Variants in COL16A1 observed in about 807,000 individuals in gnomAD.
The protein encoded by COL16A1 is collagen alpha-1(XVI) chain.
COL16A1 carries 189 observed loss-of-function variants against 266.3 expected under a neutral mutation model. That is an observed-to-expected ratio of 0.71 (90% CI 0.63 to 0.80). The LOEUF is 0.80. COL16A1 is among the 30% of genes least tolerant of loss of function. The pLI, the probability that COL16A1 is intolerant of heterozygous loss-of-function variation, is 0.00. For synonymous variants in COL16A1, 740 were observed against 782.3 expected (o/e 0.95, Z 0.90); for missense variants, 1,928 against 2,122.4 (o/e 0.91, Z 1.80).
rs1195690470 is a variant in COL16A1, at chr1:31,656,285, GC to G, written c.4101+114del. 1.3e-6 allele frequency: 2 copies of G among 1,513,028 alleles called. No individual in the cohort carries two copies. Among genetic ancestry groups the G allele is most frequent in the African/African-American group, 1.4e-5 (1 of 70,392 alleles). 93.7% of individuals were successfully genotyped at this position (1,513,028 alleles called of 1,614,324 possible). On this transcript the variant is annotated intron_variant, in intron 66 of 70. Coordinates refer to ENST00000373672, the MANE Select transcript of COL16A1 (RefSeq NM_001856.4). This position sits in a 1 kb window ranked among gnomAD's most constrained non-coding sequence, Gnocchi z 4.2. ...ATCCTGCTCCAAGTTCTGCATTTTTGCCCCCTGCCCACTGGCCTTCCTGTGT... is the reference window on the plus strand; with the variant it reads ...ATCCTGCTCCAAGTTCTGCATTTTTGCCCCTGCCCACTGGCCTTCCTGTGT...
intron 56 of COL16A1, 29 bp from the exon 57 acceptor site, chr1:31,662,687 G>A (rs201421237): frequency 3.6e-5 from 32 of 897,724 alleles, no homozygotes; most frequent in African/African-American, 1.4e-4. Context: ...CCCCCCCCCC[G>A]CCCCACAATA....
At chr1:31,662,852 A>G (rs1305278041) in intron 56 of COL16A1, 194 bp from the exon 57 acceptor site, 2 of 606,828 alleles carry the variant, frequency 3.3e-6, no homozygotes, top group Admixed American at 6.0e-5. Context: ...ATCTGTCTTC[A>G]TCTGCAAAGC....
At position 31,692,817 on chromosome 1, in the gene COL16A1, A is replaced by G. The variant is rs770411986; in HGVS notation, c.1072-9T>C. 1.2e-6 allele frequency: 2 copies of G among 1,613,350 alleles called. No individual in the cohort carries two copies. Among genetic ancestry groups the G allele is most frequent in the South Asian group, 2.2e-5 (2 of 91,064 alleles). On this transcript the variant is annotated splice_polypyrimidine_tract_variant and intron_variant, in intron 13 of 70. Transcript: ENST00000373672. ...CGAACACAGTCATTGCCCTGGGAGT[A>G]GGGAACAAGGGATCAGGGGTGGGAA...
At position 31,684,159 on chromosome 1, in the gene COL16A1, C is replaced by T. The variant is rs34770879; in HGVS notation, c.2233G>A (p.Gly745Ser). 8,974 of 1,548,550 alleles carry T rather than the reference C, an allele frequency of 5.8e-3. 98 individuals carry two copies. Among genetic ancestry groups the T allele is most frequent in the East Asian group, 0.045 (1,851 of 41,216 alleles). ...TCGGGGCCCTGCTCTCCTTTGGGGC[C>T]GGGCTGCCCAGGCCGTCCTGCCATG... is the stretch of plus-strand genomic sequence containing the variant. The part of the protein sequence containing the change: ...TDMAGRPGQP[G>S]PKGEQGPEGV... The change falls in exon 32 of 71, where the codon GGC becomes AGC. Residue 745 changes from glycine to serine, a missense_variant. Around this residue, in one of 2 missense-constraint regions of COL16A1, gnomAD observed 1,552 missense variants for 1,637.2 expected, o/e 0.95. Coordinates refer to ENST00000373672, the MANE Select transcript of COL16A1 (RefSeq NM_001856.4).
In COL16A1 at chr1:31,703,951, GTC is replaced by G. The variant is rs1447543907; in HGVS notation, c.-151_-150del. On this transcript the variant is annotated 5_prime_UTR_variant, in exon 1 of 71. Transcript: ENST00000373672. ...CTCTATCTCTCCGTGACGGTCACGG[GTC>G]CCCAGCTTCCTGGCGCTCGAGCTCT... 1 of 152,304 alleles carries G rather than the reference GTC, an allele frequency of 6.6e-6. No individual in the cohort carries two copies. The highest frequency in any genetic ancestry group is 6.5e-5 in the Admixed American group (1 of 15,294). 9.4% of individuals were successfully genotyped at this position (152,304 alleles called of 1,614,324 possible).
chr1:31,681,434 C>G (rs1352785079), intron 37 of COL16A1, among the ~76,000 whole-genome samples: 1 of 152,248 alleles, frequency 6.6e-6, no homozygotes, highest in Non-Finnish European at 1.5e-5. Context: ...CCTGAAGTCT[C>G]TGCTCTCTCC....
At chr1:31,673,224 C>T (rs1199013240) in intron 44 of COL16A1, 2 of 337,268 alleles carry the variant, frequency 5.9e-6, no homozygotes, top group African/African-American at 4.3e-5. Flanking sequence ...ACGCCAGCTT[C>T]TCTGCCCAAG....
In COL16A1 at chr1:31,680,117, C is replaced by T. The variant is rs765274258; in HGVS notation, c.2611-16G>A. Reference sequence around the variant, plus strand: ...CTGGCTCACCCTGAAAATACAAGAGCCTTTGTGAGACATGGATGAAGACGA... The same window carrying T: ...CTGGCTCACCCTGAAAATACAAGAGTCTTTGTGAGACATGGATGAAGACGA... On this transcript the variant is annotated splice_polypyrimidine_tract_variant and intron_variant, in intron 39 of 70. Coordinates refer to ENST00000373672, the MANE Select transcript of COL16A1 (RefSeq NM_001856.4). The T allele has an allele frequency of 6.2e-7, 1 of 1,611,754 alleles. No individual in the cohort carries two copies. Among genetic ancestry groups the T allele is most frequent in the South Asian group, 1.1e-5 (1 of 90,596 alleles).
At chr1:31,686,312 G>C (rs373123030) in intron 26 of COL16A1, 33 bp from the exon 27 acceptor site, 1 of 1,614,166 alleles carries the variant, frequency 6.2e-7, no homozygotes, top group East Asian at 2.2e-5. Context: ...TGATTAAAGA[G>C]GGGATGGAGT....
chr1:31,670,835 G>A lies in COL16A1; in HGVS notation c.3151-189C>T, dbSNP rs1642612474. On this transcript the variant is annotated intron_variant, in intron 48 of 70. Transcript: ENST00000373672. This position sits in a 1 kb window ranked among gnomAD's most constrained non-coding sequence, Gnocchi z 4.5. ...CTGTTCCTCCCCTTGGCTCCAGGAA[G>A]AATGGCTCCTCCGTTGACGGAGATG... Among the ~76,000 whole-genome samples, 1 of 152,210 alleles carries A rather than the reference G, an allele frequency of 6.6e-6. No individual in the cohort carries two copies. The highest frequency in any genetic ancestry group is 1.5e-5 in the Non-Finnish European group (1 of 68,032).
chr1:31,656,906 G>A lies in COL16A1; in HGVS notation c.4056+127C>T. The stretch of plus-strand genomic sequence containing the variant: ...TAATTCCTCTCCCCAGGACAACAGG[G>A]TTAACAATTTCCAGAGACAGCCCGT... On this transcript the variant is annotated intron_variant, in intron 65 of 70. Transcript: ENST00000373672. The surrounding 1 kb of genome is among the most constrained non-coding windows in gnomAD (Gnocchi z 4.2). The A allele has an allele frequency of 7.4e-7, 1 of 1,354,796 alleles. No homozygotes were observed. The highest frequency in any genetic ancestry group is 1.0e-6 in the Non-Finnish European group (1 of 953,206). The allele number at this position is 1,354,796 out of a possible 1,614,324, so 83.9% of individuals were successfully genotyped here.
At position 31,664,308 on chromosome 1, in the gene COL16A1, C is replaced by T. The variant is rs1319830188; in HGVS notation, c.3555+864G>A. ...TGGGAAGGAAGTCTCAGCTCTGCTG[C>T]TAACACCACTGTGTGCCTCTGGGCT... On this transcript the variant is annotated intron_variant, in intron 56 of 70. Transcript: ENST00000373672. This position sits in a 1 kb window ranked among gnomAD's most constrained non-coding sequence, Gnocchi z 5.5. 6.6e-6 allele frequency among the ~76,000 whole-genome samples: 1 copy of T among 152,214 alleles called. No homozygotes were observed. Among genetic ancestry groups the T allele is most frequent in the Non-Finnish European group, 1.5e-5 (1 of 68,024 alleles).
At chr1:31,679,881 G>A (rs1381853393) in intron 40 of COL16A1, 30 bp from the exon 41 acceptor site, 3 of 1,503,378 alleles carry the variant, frequency 2.0e-6, no homozygotes, top group Non-Finnish European at 2.7e-6. Flanking sequence ...GCAAAAGAAG[G>A]GGAGAGGTTA....
Position 31,655,518 on chromosome 1 carries a change from C to T in COL16A1, c.4102-16G>A, listed in dbSNP as rs369233724. ...CTGGATCACCCTACAAAGATAGATA[C>T]TTAGTGCTGTCAAATTTACATCATG... On this transcript the variant is annotated splice_polypyrimidine_tract_variant and intron_variant, in intron 66 of 70. Transcript: ENST00000373672. The T allele has an allele frequency of 5.0e-6, 8 of 1,612,024 alleles. No homozygotes were observed. Among genetic ancestry groups the T allele is most frequent in the Non-Finnish European group, 6.8e-6 (8 of 1,178,822 alleles).
chr1:31,666,392 T>C, intron 52 of COL16A1: 1 of 384,674 alleles, frequency 2.6e-6, no homozygotes, highest in South Asian at 3.8e-5. Flanking sequence ...TCCCTCTGCC[T>C]CTGAGTGGGG....
chr1:31,671,782 C>A (rs1463919207), intron 47 of COL16A1, 123 bp from the exon 48 acceptor site: 3 of 1,152,512 alleles, frequency 2.6e-6, no homozygotes, highest in African/African-American at 3.1e-5. Context: ...GCTGTCCAAG[C>A]AGGACCACTT....
intron 42 of COL16A1, chr1:31,679,274 C>T: frequency 1.1e-6 from 1 of 880,298 alleles, no homozygotes; most frequent in Non-Finnish European, 1.7e-6. Context: ...TAAAGCAGTG[C>T]CAGAAAATAG....
At chr1:31,699,986 A>T in intron 3 of COL16A1, 55 bp downstream of exon 3, 1 of 1,607,992 alleles carries the variant, frequency 6.2e-7, no homozygotes, top group Non-Finnish European at 8.5e-7. Flanking sequence ...AGGGGTACAG[A>T]TCACTCCCAG....
chr1:31,656,510 G>T lies in COL16A1; in HGVS notation c.4057-66C>A. ...TCTCTGAGGCTCCCTGGGGAGGCAG[G>T]TGCAGTGAAGAGGCCCCTTCCACAG... On this transcript the variant is annotated intron_variant, in intron 65 of 70. Transcript: ENST00000373672. This position sits in a 1 kb window ranked among gnomAD's most constrained non-coding sequence, Gnocchi z 4.2. 2 of 1,584,436 alleles carry T rather than the reference G, an allele frequency of 1.3e-6. No homozygotes were observed. Among genetic ancestry groups the T allele is most frequent in the East Asian group, 4.5e-5 (2 of 43,986 alleles).
Sources: gnomAD v4.1 joint callset for allele counts (sites outside exome capture counted in the v4.1 genomes callset) on GRCh38, gnomAD v4.1.1 for gene constraint, gnomAD v4.1.1 regional missense constraint, Gnocchi (gnomAD v3.1) non-coding constraint, MANE v1.5 for transcripts, NCBI Gene and HGNC (gene_info 2026-07-23, HGNC 2026-07-21) for gene names.